ADAM28: variants seen among roughly 807,000 people sequenced by gnomAD.
ADAM28 encodes the protein ADAM metallopeptidase domain 28.
In ADAM28, 105 loss-of-function variants were observed where a neutral mutation model predicts 101.2. That is an observed-to-expected ratio of 1.04 (90% CI 0.89 to 1.22). ADAM28 has a LOEUF of 1.22. ADAM28 is among the 50% of genes most tolerant of loss of function. ADAM28 has a pLI of 0.00. For synonymous variants in ADAM28, 322 were observed against 310.6 expected, an observed-to-expected ratio of 1.04 and a Z score of -0.39; for missense variants, 1,028 against 945.4, an observed-to-expected ratio of 1.09 and a Z score of -1.15.
At chr8:24,323,193 A>T (rs1279341373) in intron 8 of ADAM28, among the ~76,000 whole-genome samples, 2 of 151,786 alleles carry the variant, frequency 1.3e-5, no homozygotes, top group Admixed American at 6.6e-5. Context: ...GAACAAAGCA[A>T]TTCTCTGGGG....
intron 8 of ADAM28, among the ~76,000 whole-genome samples, chr8:24,323,039 C>G (rs1812087677): frequency 6.6e-6 from 1 of 151,900 alleles, no homozygotes; most frequent in African/African-American, 2.4e-5. Flanking sequence ...ATATGGGTGG[C>G]TCATAAATGA....
chr8:24,331,412 T>A, intron 12 of ADAM28, 85 bp downstream of exon 12: 1 of 1,348,186 alleles, frequency 7.4e-7, no homozygotes, highest in Non-Finnish European at 9.9e-7. Flanking sequence ...TGGCCCGCTA[T>A]AACATTATAG....
intron 11 of ADAM28, among the ~76,000 whole-genome samples, chr8:24,330,888 G>T (rs1302248302): frequency 6.6e-6 from 1 of 152,128 alleles, no homozygotes; most frequent in Non-Finnish European, 1.5e-5. Flanking sequence ...GATGATCTAA[G>T]ATTATCTGGA....
chr8:24,347,397 C>T (rs906371980), intron 18 of ADAM28, among the ~76,000 whole-genome samples: 5 of 151,712 alleles, frequency 3.3e-5, no homozygotes, highest in African/African-American at 4.8e-5. Flanking sequence ...TTATGCTAGT[C>T]GCATAAAGTG....
At chr8:24,325,948 T>C in intron 9 of ADAM28, among the ~76,000 whole-genome samples, 1 of 145,048 alleles carries the variant, frequency 6.9e-6, no homozygotes, top group Non-Finnish European at 1.5e-5. Flanking sequence ...ATTGAAGGTT[T>C]ATAGAAAAAT....
intron 13 of ADAM28, among the ~76,000 whole-genome samples, chr8:24,333,983 G>A (rs1047743597): frequency 2.6e-5 from 4 of 152,088 alleles, no homozygotes; most frequent in Non-Finnish European, 5.9e-5. Flanking sequence ...GGCATACCAG[G>A]TTTTATAGGG....
At chr8:24,300,789 A>G (rs1251449961) in intron 2 of ADAM28, 1 of 152,210 alleles carries the variant, frequency 6.6e-6, no homozygotes, top group Non-Finnish European at 1.5e-5. Context: ...CTATCTATCC[A>G]TCCTTCCAAA....
chr8:24,296,369 G>A (rs940395932), intron 1 of ADAM28: 1 of 152,146 alleles, frequency 6.6e-6, no homozygotes, highest in Non-Finnish European at 1.5e-5. Flanking sequence ...ACCACAAGAT[G>A]GTTTGAGGAG....
intron 5 of ADAM28, among the ~76,000 whole-genome samples, chr8:24,312,577 A>G (rs1437632819): frequency 2.0e-5 from 3 of 151,892 alleles, no homozygotes; most frequent in Non-Finnish European, 2.9e-5. Context: ...TGTACATTTA[A>G]TTCAGTCTGT....
chr8:24,331,320 CA>C lies in ADAM28; in HGVS notation c.1275del (p.Ser426LeufsTer24). The C allele has an allele frequency of 1.2e-6, 2 of 1,603,198 alleles. No homozygotes were observed. On this transcript the variant is annotated frameshift_variant, in exon 12 of 23. Transcript: ENST00000265769. LOFTEE classifies it high-confidence loss of function. ...VEMGEDCDCG[T>X]SEECTNICCD... Reference sequence around the variant, plus strand: ...ATGGGAGAGGACTGTGATTGTGGGACATCTGAGGTATGGCCAATCACTTTCT... The same window carrying C: ...ATGGGAGAGGACTGTGATTGTGGGACTCTGAGGTATGGCCAATCACTTTCT...
intron 7 of ADAM28, 127 bp downstream of exon 7, chr8:24,320,434 C>A: frequency 1.5e-6 from 1 of 653,470 alleles, no homozygotes; most frequent in Non-Finnish European, 2.5e-6. Context: ...GTTACATGTT[C>A]TTCTAAAACT....
At chr8:24,351,401 C>A in intron 20 of ADAM28, 91 bp downstream of exon 20, 1 of 1,336,828 alleles carries the variant, frequency 7.5e-7, no homozygotes, top group Non-Finnish European at 1.1e-6. Flanking sequence ...TCATTTCTAC[C>A]CAGCAGCGTT....
intron 5 of ADAM28, among the ~76,000 whole-genome samples, chr8:24,312,126 A>G (rs746535387): frequency 1.1e-4 from 17 of 152,144 alleles, no homozygotes; most frequent in African/African-American, 1.7e-4. Context: ...TTAATGATAT[A>G]CTATGCATCT....
At position 24,355,299 on chromosome 8, in the gene ADAM28, G is replaced by GCAAA. The variant is rs1472119982; in HGVS notation, c.*898_*901dup. 2.0e-5 allele frequency: 3 copies of GCAAA among 152,252 alleles called. No individual in the cohort carries two copies. The highest frequency in any genetic ancestry group is 4.8e-5 in the African/African-American group (2 of 41,566). 9.4% of individuals were successfully genotyped at this position (152,252 alleles called of 1,614,324 possible). On this transcript the variant is annotated 3_prime_UTR_variant, in exon 23 of 23. Coordinates refer to ENST00000265769, the MANE Select transcript of ADAM28 (RefSeq NM_014265.6). ...GTCAGCTTAGTTGATGGGTAATGTA[G>GCAAA]CAAACACTATTGGTTTCCTACCAAA...
chr8:24,301,732 T>C (rs957832346), intron 2 of ADAM28, among the ~76,000 whole-genome samples: 2 of 152,192 alleles, frequency 1.3e-5, no homozygotes, highest in Non-Finnish European at 2.9e-5. Flanking sequence ...ATTGATTTAA[T>C]ATATGGGAGA....
At chr8:24,333,991 G>A (rs1813693348) in intron 13 of ADAM28, among the ~76,000 whole-genome samples, 1 of 152,102 alleles carries the variant, frequency 6.6e-6, no homozygotes, top group South Asian at 2.1e-4. Flanking sequence ...AGGTTTTATA[G>A]GGAATGTTTG....
At chr8:24,305,768 A>G (rs560605071) in intron 2 of ADAM28, among the ~76,000 whole-genome samples, 119 of 152,196 alleles carry the variant, frequency 7.8e-4, no homozygotes, top group Non-Finnish European at 1.3e-3. Context: ...CTTTGGTTGA[A>G]GAGTGTAGAA....
chr8:24,297,538 T>C (rs781402688), intron 1 of ADAM28, among the ~76,000 whole-genome samples: 3 of 152,358 alleles, frequency 2.0e-5, no homozygotes, highest in Non-Finnish European at 4.4e-5. Flanking sequence ...ATCATGTGTG[T>C]TCTAATATAG....
chr8:24,307,607 T>A (rs1469185438), intron 2 of ADAM28, among the ~76,000 whole-genome samples: 1 of 152,178 alleles, frequency 6.6e-6, no homozygotes, highest in African/African-American at 2.4e-5. Context: ...GTAAGTAAAC[T>A]AATGGACAAA....
Sources: gnomAD v4.1 joint callset for allele counts (sites outside exome capture counted in the v4.1 genomes callset) on GRCh38, gnomAD v4.1.1 for gene constraint, MANE v1.5 for transcripts, NCBI Gene and HGNC (gene_info 2026-07-23, HGNC 2026-07-21) for gene names.